The following SRGAP3 variants were observed in gnomAD, a reference collection of about 807,000 sequenced individuals.
The protein encoded by SRGAP3 is SLIT-ROBO Rho GTPase-activating protein 3.
A neutral mutation model predicts 121.1 loss-of-function variants in SRGAP3; 39 were observed. That is an observed-to-expected ratio of 0.32 (90% CI 0.25 to 0.42). The LOEUF is 0.42. Among genes scored for constraint, SRGAP3 ranks in the 10% least tolerant of loss-of-function variants. The pLI, the probability that SRGAP3 is intolerant of heterozygous loss-of-function variation, is 1.00. For synonymous variants in SRGAP3, 601 were observed against 570.0 expected, an observed-to-expected ratio of 1.05 and a Z score of -0.77; for missense variants, 1,213 against 1,470.6, an observed-to-expected ratio of 0.82 and a Z score of 2.86.
intron 1 of SRGAP3, among the ~76,000 whole-genome samples, chr3:9,235,037 T>TC (rs147705336): frequency 5.9e-5 from 9 of 151,878 alleles, no homozygotes; most frequent in Non-Finnish European, 8.8e-5. Context: ...TTAGCTCAGT[T>TC]CCCCCCAGTT....
intron 1 of SRGAP3, among the ~76,000 whole-genome samples, chr3:9,222,185 T>A (rs1031718805): frequency 6.6e-6 from 1 of 152,222 alleles, no homozygotes; most frequent in African/African-American, 2.4e-5. Flanking sequence ...AGTCTTTCCA[T>A]ATGTTTACCT....
chr3:9,254,983 GAAAA>G (rs1954099613), intron 3 of SRGAP3, among the ~76,000 whole-genome samples: 1 of 144,784 alleles, frequency 6.9e-6, no homozygotes, highest in Non-Finnish European at 1.5e-5. Context: ...GAAAGAAAAA[GAAAA>G]AGAAAGAAAG....
intron 3 of SRGAP3, among the ~76,000 whole-genome samples, chr3:9,085,322 T>C (rs1405249099): frequency 6.6e-6 from 1 of 152,054 alleles, no homozygotes; most frequent in Non-Finnish European, 1.5e-5. Context: ...CTCTGAGGAG[T>C]CATTCCATCT....
intron 2 of SRGAP3, among the ~76,000 whole-genome samples, chr3:9,120,472 C>T (rs1215886066): frequency 6.6e-6 from 1 of 152,228 alleles, no homozygotes; most frequent in Non-Finnish European, 1.5e-5. Flanking sequence ...GTCTTCGGCA[C>T]TGAGCACAGT....
At chr3:9,024,815 T>C (rs746468695) in intron 14 of SRGAP3, among the ~76,000 whole-genome samples, 2 of 152,212 alleles carry the variant, frequency 1.3e-5, no homozygotes, top group Non-Finnish European at 1.5e-5. Flanking sequence ...TTCTAAAATG[T>C]AGCATCATTT....
In SRGAP3 at chr3:9,009,568, G is replaced by A. The variant is rs1316272861; in HGVS notation, c.2227+740C>T. Among the ~76,000 whole-genome samples, 3 of 152,100 alleles carry A rather than the reference G, an allele frequency of 2.0e-5. No individual in the cohort carries two copies. The South Asian group carries it at 6.2e-4, about 32-fold the overall frequency. On this transcript the variant is annotated intron_variant, in intron 18 of 21. Coordinates refer to ENST00000383836, the MANE Select transcript of SRGAP3 (RefSeq NM_014850.4). ...AAAACATTTTAGTGGACCTCTACAA[G>A]TACCATGGGCCCTTGGCACTATGCC...
intron 6 of SRGAP3, chr3:9,058,886 ATT>A (rs1419964665): frequency 4.4e-6 from 1 of 227,330 alleles, no homozygotes; most frequent in South Asian, 6.5e-5. Context: ...AGCCCAGCTA[ATT>A]TTTGTATTTT....
At chr3:9,031,263 G>A (rs895748557) in intron 12 of SRGAP3, among the ~76,000 whole-genome samples, 7 of 152,198 alleles carry the variant, frequency 4.6e-5, no homozygotes, top group African/African-American at 1.7e-4. Flanking sequence ...CATGGACCAT[G>A]GCTCTTTTAT....
intron 3 of SRGAP3, among the ~76,000 whole-genome samples, chr3:9,292,136 A>G (rs1214748395): frequency 6.6e-6 from 1 of 152,216 alleles, no homozygotes; most frequent in Non-Finnish European, 1.5e-5. Context: ...TTGCATTCGC[A>G]TCTCAGACTT....
chr3:9,027,995 T>C, intron 12 of SRGAP3: 1 of 1,347,608 alleles, frequency 7.4e-7, no homozygotes, highest in Admixed American at 1.7e-5. Context: ...AGGACAAGAA[T>C]ATGGACCCAT....
At chr3:9,355,675 C>T (rs1016384953) in intron 1 of SRGAP3, 1 of 152,350 alleles carries the variant, frequency 6.6e-6, no homozygotes, top group Admixed American at 6.5e-5. Flanking sequence ...CGTCCACCAA[C>T]CACCTTGCTT....
At chr3:9,286,086 T>C (rs1481400552) in intron 3 of SRGAP3, among the ~76,000 whole-genome samples, 1 of 149,634 alleles carries the variant, frequency 6.7e-6, no homozygotes. Flanking sequence ...CACTCCAGCC[T>C]GGGTGACAAA....
At chr3:9,194,444 T>C (rs534114950) in intron 1 of SRGAP3, 1 of 152,350 alleles carries the variant, frequency 6.6e-6, no homozygotes, top group African/African-American at 2.4e-5. Flanking sequence ...ATAAATGTTA[T>C]CTATTTTTAC....
At chr3:9,211,715 T>TGGAGTGCAGTGGCACA (rs1370803602) in intron 1 of SRGAP3, among the ~76,000 whole-genome samples, 1 of 144,702 alleles carries the variant, frequency 6.9e-6, no homozygotes, top group Non-Finnish European at 1.5e-5. Flanking sequence ...TCACCCAGGC[T>TGGAGTGCAGTGGCACA]GGAGTGCAGT....
chr3:9,129,727 C>T (rs1170349507), intron 1 of SRGAP3, among the ~76,000 whole-genome samples: 1 of 151,856 alleles, frequency 6.6e-6, no homozygotes, highest in African/African-American at 2.4e-5. Context: ...CATAATAGGT[C>T]ATCAGGATAT....
In SRGAP3 at chr3:8,985,808, G is replaced by A. The variant is rs762379847; in HGVS notation, c.3011C>T (p.Pro1004Leu). Reference protein sequence around the residue: ...TLEPLKNPPGPVSSEPASPLH... With the variant: ...TLEPLKNPPGLVSSEPASPLH... ...GGGACTGGCGGGCTCCGAGCTGACG[G>A]GGCCTGGCGGGTTCTTCAGGGGCTC... The change falls in exon 22 of 22, where the codon CCC (proline) becomes CTC (leucine). Residue 1004 changes from proline to leucine, a missense_variant. This residue lies in a region of SRGAP3 where 420 missense variants were observed against 437.7 expected (regional missense o/e 0.96). Coordinates refer to ENST00000383836, the MANE Select transcript of SRGAP3 (RefSeq NM_014850.4). The surrounding 1 kb of genome is among the most constrained non-coding windows in gnomAD (Gnocchi z 5.1). 3 of 1,600,390 alleles carry A rather than the reference G, an allele frequency of 1.9e-6. No individual in the cohort carries two copies. Among genetic ancestry groups the A allele is most frequent in the Admixed American group, 1.7e-5 (1 of 59,986 alleles).
At chr3:9,100,123 T>C (rs1481275002) in intron 3 of SRGAP3, among the ~76,000 whole-genome samples, 1 of 152,222 alleles carries the variant, frequency 6.6e-6, no homozygotes, top group Admixed American at 6.5e-5. Context: ...ACTTAATCTT[T>C]CTTAACATAG....
intron 3 of SRGAP3, among the ~76,000 whole-genome samples, chr3:9,323,534 G>A (rs971377883): frequency 6.6e-6 from 1 of 151,710 alleles, no homozygotes; most frequent in Non-Finnish European, 1.5e-5. Flanking sequence ...AAGGCCTAGA[G>A]TTTTCTAGAC....
chr3:9,205,106 T>C (rs907691224), intron 1 of SRGAP3, among the ~76,000 whole-genome samples: 8 of 152,228 alleles, frequency 5.3e-5, no homozygotes, highest in Non-Finnish European at 8.8e-5. Context: ...AAGTTGCTGA[T>C]TATGATTCGA....
Sources: gnomAD v4.1 joint callset for allele counts (sites outside exome capture counted in the v4.1 genomes callset) on GRCh38, gnomAD v4.1.1 for gene constraint, gnomAD v4.1.1 regional missense constraint, Gnocchi (gnomAD v3.1) non-coding constraint, MANE v1.5 for transcripts, NCBI Gene and HGNC (gene_info 2026-07-23, HGNC 2026-07-21) for gene names.